HSPA12A: variants seen among roughly 807,000 people sequenced by gnomAD.
The protein encoded by HSPA12A is heat shock protein family A (Hsp70) member 12A.
A neutral mutation model predicts 69.2 loss-of-function variants in HSPA12A; 28 were observed. That is an observed-to-expected ratio of 0.40 (90% CI 0.30 to 0.55). HSPA12A has a LOEUF of 0.55. Among genes scored for constraint, HSPA12A ranks in the 20% least tolerant of loss-of-function variants. HSPA12A has a pLI of 0.38. For missense variants in HSPA12A, 686 were observed against 900.7 expected (o/e 0.76, Z 3.05); for synonymous variants, 345 against 370.5 (o/e 0.93, Z 0.79).
At chr10:116,740,153 C>A (rs764622175) in intron 1 of HSPA12A, among the ~76,000 whole-genome samples, 11 of 152,144 alleles carry the variant, frequency 7.2e-5, no homozygotes, top group Non-Finnish European at 1.3e-4. Context: ...CAGGTTGGTG[C>A]CCTGGAATCA....
intron 2 of HSPA12A, among the ~76,000 whole-genome samples, chr10:116,766,355 G>A (rs897799921): frequency 3.9e-5 from 6 of 152,082 alleles, no homozygotes; most frequent in African/African-American, 9.7e-5. Flanking sequence ...ACAGGTGGTC[G>A]CCCTACCTGG....
intron 2 of HSPA12A, among the ~76,000 whole-genome samples, chr10:116,770,932 C>CT (rs1428888625): frequency 2.0e-5 from 3 of 151,248 alleles, no homozygotes; most frequent in Non-Finnish European, 4.4e-5. Flanking sequence ...AGAATGACTT[C>CT]TTTTGGCTGC....
At chr10:116,745,014 C>T (rs1252589775), upstream of HSPA12A, among the ~76,000 whole-genome samples, 1 of 152,268 alleles carries the variant, frequency 6.6e-6, no homozygotes. Flanking sequence ...CCATTCCCCC[C>T]AAAGCCCAAA....
At chr10:116,793,268 G>T (rs1844738860) in intron 2 of HSPA12A, among the ~76,000 whole-genome samples, 1 of 152,172 alleles carries the variant, frequency 6.6e-6, no homozygotes, top group Non-Finnish European at 1.5e-5. Context: ...ATGCCTTATG[G>T]AGTTAAAGAA....
intron 1 of HSPA12A, among the ~76,000 whole-genome samples, chr10:116,724,457 C>T (rs1554884752): frequency 6.6e-6 from 1 of 152,106 alleles, no homozygotes; most frequent in African/African-American, 2.4e-5. Context: ...GAGTCTCCAT[C>T]TCCTCTTCTA....
At chr10:116,849,125 G>T (rs1455185994) in intron 1 of HSPA12A, among the ~76,000 whole-genome samples, 1 of 152,014 alleles carries the variant, frequency 6.6e-6, no homozygotes, top group African/African-American at 2.4e-5. Flanking sequence ...CTCACTAACA[G>T]CAGAGAGCAA....
intron 2 of HSPA12A, among the ~76,000 whole-genome samples, chr10:116,705,797 G>A (rs1359164039): frequency 2.0e-5 from 3 of 151,878 alleles, no homozygotes; most frequent in African/African-American, 7.3e-5. Flanking sequence ...CACCAGGCCA[G>A]CCACATGACC....
At chr10:116,707,075 C>T in intron 2 of HSPA12A, 125 bp downstream of exon 2, 3 of 762,980 alleles carry the variant, frequency 3.9e-6, no homozygotes, top group Non-Finnish European at 6.1e-6. Flanking sequence ...AGGGGCTGTC[C>T]AGCAGCCTGA....
intron 2 of HSPA12A, among the ~76,000 whole-genome samples, chr10:116,786,777 T>C (rs1007528348): frequency 6.6e-6 from 1 of 152,088 alleles, no homozygotes; most frequent in Non-Finnish European, 1.5e-5. Flanking sequence ...GTAGCTGGGA[T>C]TACAGGTGCC....
chr10:116,753,584 G>T (rs1347735376), intron 2 of HSPA12A, among the ~76,000 whole-genome samples: 1 of 152,066 alleles, frequency 6.6e-6, no homozygotes. Context: ...CAACTTTGCT[G>T]CTTCTTAGTT....
intron 2 of HSPA12A, among the ~76,000 whole-genome samples, chr10:116,771,909 C>T (rs1344765511): frequency 6.6e-6 from 1 of 152,180 alleles, no homozygotes; most frequent in Non-Finnish European, 1.5e-5. Context: ...ATGCCAACTC[C>T]AGTCCAGGCA....
At chr10:116,787,625 A>G (rs1360275695) in intron 2 of HSPA12A, among the ~76,000 whole-genome samples, 1 of 151,962 alleles carries the variant, frequency 6.6e-6, no homozygotes, top group Non-Finnish European at 1.5e-5. Flanking sequence ...ACCTCTTAAC[A>G]ATTATGGCCT....
At chr10:116,824,535 A>G (rs1845464557) in intron 2 of HSPA12A, among the ~76,000 whole-genome samples, 1 of 152,242 alleles carries the variant, frequency 6.6e-6, no homozygotes, top group Non-Finnish European at 1.5e-5. Flanking sequence ...ACCATGTTCT[A>G]TCCATACAAT....
intron 6 of HSPA12A, among the ~76,000 whole-genome samples, chr10:116,690,558 T>C (rs1289182176): frequency 2.0e-5 from 3 of 152,234 alleles, no homozygotes; most frequent in African/African-American, 7.2e-5. Flanking sequence ...GGAAACAGCA[T>C]GTCTCTGGAC....
In HSPA12A at chr10:116,692,346, C is replaced by G. The variant is rs1210277429; in HGVS notation, c.663+5G>C. On this transcript the variant is annotated splice_donor_5th_base_variant and intron_variant, in intron 6 of 11. Transcript: ENST00000369209. ...GGCTTCCACCCGCCCTGACTCTACC[C>G]TCACCTGGTAGGCAGCTTGTCTCAT... 3 of 1,611,966 alleles carry G rather than the reference C, an allele frequency of 1.9e-6. No homozygotes were observed. Among genetic ancestry groups the G allele is most frequent in the Non-Finnish European group, 2.5e-6 (3 of 1,178,264 alleles).
intron 1 of HSPA12A, among the ~76,000 whole-genome samples, chr10:116,728,115 G>C (rs1554885279): frequency 6.7e-6 from 1 of 150,280 alleles, no homozygotes; most frequent in African/African-American, 2.5e-5. Context: ...GCCAATTTTT[G>C]TATTTTTAGT....
intron 2 of HSPA12A, among the ~76,000 whole-genome samples, chr10:116,757,903 A>G (rs1425870721): frequency 6.6e-6 from 1 of 152,244 alleles, no homozygotes; most frequent in Non-Finnish European, 1.5e-5. Flanking sequence ...CCTATGAGAT[A>G]TGTGCATATA....
At chr10:116,844,396 C>G (rs1486373775) in intron 1 of HSPA12A, among the ~76,000 whole-genome samples, 3 of 152,164 alleles carry the variant, frequency 2.0e-5, no homozygotes, top group African/African-American at 7.2e-5. Flanking sequence ...AAAAGCCTCC[C>G]CATTTATTAG....
intron 2 of HSPA12A, among the ~76,000 whole-genome samples, chr10:116,792,840 G>T (rs199651957): frequency 6.7e-6 from 1 of 149,706 alleles, no homozygotes; most frequent in African/African-American, 2.4e-5. Context: ...AAAAAGAAAA[G>T]AGAAAAGAAA....
Sources: gnomAD v4.1 joint callset for allele counts (sites outside exome capture counted in the v4.1 genomes callset) on GRCh38, gnomAD v4.1.1 for gene constraint, MANE v1.5 for transcripts, NCBI Gene and HGNC (gene_info 2026-07-23, HGNC 2026-07-21) for gene names.